The following ERBB4 variants were observed in gnomAD, a reference collection of about 807,000 sequenced individuals.
ERBB4 encodes receptor tyrosine-protein kinase erbB-4.
In ERBB4, 42 loss-of-function variants were observed where a neutral mutation model predicts 158.0. That is an observed-to-expected ratio of 0.27 (90% CI 0.21 to 0.34). The LOEUF (loss-of-function observed/expected upper bound fraction) is 0.34, where lower values mean the gene tolerates loss of function less well. Among genes scored for constraint, ERBB4 ranks in the 10% least tolerant of loss-of-function variants. The pLI, the probability that ERBB4 is intolerant of heterozygous loss-of-function variation, is 1.00. For missense variants in ERBB4, 1,333 were observed against 1,624.1 expected (o/e 0.82, Z 3.08); for synonymous variants, 583 against 558.7 (o/e 1.04, Z -0.61).
chr2:211,970,827 T>C (rs922818948), intron 2 of ERBB4, among the ~76,000 whole-genome samples: 1 of 152,212 alleles, frequency 6.6e-6, no homozygotes, highest in African/African-American at 2.4e-5. Context: ...TGGTTCCTTA[T>C]CCAGATTGCC....
chr2:212,250,981 G>T (rs1051681701), intron 1 of ERBB4, among the ~76,000 whole-genome samples: 1 of 151,946 alleles, frequency 6.6e-6, no homozygotes, highest in South Asian at 2.1e-4. Flanking sequence ...ACAAGGGGAA[G>T]TTTTAAAACT....
At chr2:211,984,715 A>C (rs1479304311) in intron 2 of ERBB4, among the ~76,000 whole-genome samples, 2 of 152,160 alleles carry the variant, frequency 1.3e-5, no homozygotes, top group Admixed American at 1.3e-4. Context: ...ACTTTCAGCC[A>C]TGTTCAAAAG....
At chr2:211,654,346 C>T (rs1460553185) in intron 16 of ERBB4, among the ~76,000 whole-genome samples, 1 of 152,204 alleles carries the variant, frequency 6.6e-6, no homozygotes, top group Admixed American at 6.5e-5. Flanking sequence ...TGGAGTCACA[C>T]TGCATTATAT....
intron 1 of ERBB4, among the ~76,000 whole-genome samples, chr2:212,265,668 TA>T (rs1487688721): frequency 2.6e-5 from 4 of 152,122 alleles, no homozygotes; most frequent in Non-Finnish European, 4.4e-5. Context: ...TAATGTAACT[TA>T]AAAGACAAGA....
intron 1 of ERBB4, among the ~76,000 whole-genome samples, chr2:212,441,182 A>T (rs550941680): frequency 3.3e-5 from 5 of 150,322 alleles, no homozygotes; most frequent in Non-Finnish European, 7.5e-5. Flanking sequence ...CTGAGTTTGT[A>T]AACTCTGATG....
intron 20 of ERBB4, among the ~76,000 whole-genome samples, chr2:211,546,945 G>C (rs1413580922): frequency 2.0e-5 from 3 of 152,086 alleles, no homozygotes; most frequent in Non-Finnish European, 2.9e-5. Flanking sequence ...GGAGGTGGAT[G>C]CGGTTGTAAA....
At chr2:211,850,998 T>C (rs922363681) in intron 3 of ERBB4, among the ~76,000 whole-genome samples, 8 of 152,116 alleles carry the variant, frequency 5.3e-5, no homozygotes, top group South Asian at 2.1e-4. Context: ...CTCTGCCTGA[T>C]AGTCAATACA....
chr2:211,720,911 T>C (rs7605169), intron 7 of ERBB4, among the ~76,000 whole-genome samples: 99,693 of 152,074 alleles, frequency 0.66, 34,640 homozygotes, highest in African/African-American at 0.89. Flanking sequence ...CACCCTTACC[T>C]GGAGGGATAG....
chr2:212,170,332 T>A (rs776472874), intron 1 of ERBB4, among the ~76,000 whole-genome samples: 8 of 152,080 alleles, frequency 5.3e-5, no homozygotes, highest in Non-Finnish European at 1.2e-4. Context: ...CTTGAGAGAT[T>A]TGATCTGAAA....
intron 2 of ERBB4, among the ~76,000 whole-genome samples, chr2:212,000,992 G>A (rs537251064): frequency 3.9e-5 from 6 of 151,956 alleles, no homozygotes; most frequent in Non-Finnish European, 8.8e-5. Context: ...TATCTCAGTG[G>A]AAAATAAATG....
chr2:212,379,608 TCTTTAA>T (rs1333179496), intron 1 of ERBB4, among the ~76,000 whole-genome samples: 2 of 151,428 alleles, frequency 1.3e-5, no homozygotes, highest in East Asian at 1.9e-4. Context: ...TTTCCACAGC[TCTTTAA>T]CTTTAATAAA....
At chr2:212,005,874 C>T (rs2076247512) in intron 2 of ERBB4, among the ~76,000 whole-genome samples, 1 of 151,990 alleles carries the variant, frequency 6.6e-6, no homozygotes, top group African/African-American at 2.4e-5. Flanking sequence ...TGTTTGAATC[C>T]AGGAGTTCAA....
intron 3 of ERBB4, among the ~76,000 whole-genome samples, chr2:211,890,037 T>A (rs1182537212): frequency 3.2e-5 from 3 of 94,316 alleles, no homozygotes; most frequent in African/African-American, 1.4e-4. Context: ...AACGTTCAGA[T>A]TCAGGAAATA....
At chr2:211,876,419 T>C (rs966771649) in intron 3 of ERBB4, among the ~76,000 whole-genome samples, 14 of 152,170 alleles carry the variant, frequency 9.2e-5, no homozygotes, top group Non-Finnish European at 1.6e-4. Context: ...TGTGTATTCA[T>C]ACTGGAGCCT....
intron 2 of ERBB4, among the ~76,000 whole-genome samples, chr2:212,095,795 C>T (rs1265048455): frequency 6.6e-6 from 1 of 151,620 alleles, no homozygotes; most frequent in Admixed American, 6.6e-5. Flanking sequence ...ATTAGCCGGG[C>T]GTGGTGGTGG....
At chr2:211,677,600 C>A (rs984140133) in intron 13 of ERBB4, among the ~76,000 whole-genome samples, 1 of 149,090 alleles carries the variant, frequency 6.7e-6, no homozygotes, top group Non-Finnish European at 1.5e-5. Flanking sequence ...AGAGGCCAGG[C>A]GCAGTGGCTT....
intron 3 of ERBB4, among the ~76,000 whole-genome samples, chr2:211,831,937 TTAAAAG>T (rs1208851047): frequency 6.6e-6 from 1 of 152,146 alleles, no homozygotes; most frequent in Non-Finnish European, 1.5e-5. Context: ...CACTGTACTT[TTAAAAG>T]TAAATCATCC....
chr2:212,011,637 C>T (rs975184982), intron 2 of ERBB4, among the ~76,000 whole-genome samples: 4 of 151,952 alleles, frequency 2.6e-5, no homozygotes, highest in African/African-American at 7.3e-5. Flanking sequence ...GTAATCCAAG[C>T]CACTCAGGAG....
At chr2:211,952,740 T>C (rs1285774502) in intron 2 of ERBB4, among the ~76,000 whole-genome samples, 1 of 152,022 alleles carries the variant, frequency 6.6e-6, no homozygotes, top group African/African-American at 2.4e-5. Flanking sequence ...AATATTTCTA[T>C]TATAAAACCG....
Sources: gnomAD v4.1 joint callset for allele counts (sites outside exome capture counted in the v4.1 genomes callset) on GRCh38, gnomAD v4.1.1 for gene constraint, MANE v1.5 for transcripts, NCBI Gene and HGNC (gene_info 2026-07-23, HGNC 2026-07-21) for gene names.